Variants in FSTL4 observed in about 807,000 individuals in gnomAD.
FSTL4 encodes the protein follistatin-related protein 4.
FSTL4 carries 28 observed loss-of-function variants against 78.2 expected under a neutral mutation model. That is an observed-to-expected ratio of 0.36 (90% confidence interval 0.27 to 0.49). The LOEUF is 0.49. Ranked by LOEUF, FSTL4 falls within the 20% of genes least tolerant of loss-of-function variation. The pLI, the probability that FSTL4 is intolerant of heterozygous loss-of-function variation, is 0.98. For synonymous variants in FSTL4, 422 were observed against 440.5 expected (o/e 0.96, Z 0.53); for missense variants, 922 against 1,084.9 (o/e 0.85, Z 2.11).
chr5:133,838,994 G>A, the FSTL4 span, among the ~76,000 whole-genome samples: 3 of 152,304 alleles, frequency 2.0e-5, no homozygotes, highest in South Asian at 6.2e-4. Context: ...TAGGAGGTTG[G>A]TCTCAAACAA....
At chr5:133,637,215 C>T in the FSTL4 span, among the ~76,000 whole-genome samples, 3 of 151,990 alleles carry the variant, frequency 2.0e-5, no homozygotes, top group Non-Finnish European at 4.4e-5. Context: ...TCACTTCTCT[C>T]TTCTCTGTCT....
Position 133,199,211 on chromosome 5 carries a change from G to A in FSTL4, c.2413C>T (p.Leu805Phe). 1 of 1,613,354 alleles carries A rather than the reference G, an allele frequency of 6.2e-7. No individual in the cohort carries two copies. The highest frequency in any genetic ancestry group is 8.5e-7 in the Non-Finnish European group (1 of 1,179,406). Reference protein sequence around the residue: ...MRDSGLFGQYLLTPARESLFL... With the variant: ...MRDSGLFGQYFLTPARESLFL... ...AGTGACTCTCGGGCTGGTGTGAGGAGGTACTGTCCAAACAGCCCACTGTCC... is the reference window on the plus strand; with the variant it reads ...AGTGACTCTCGGGCTGGTGTGAGGAAGTACTGTCCAAACAGCCCACTGTCC... Residue 805 changes from leucine (L) to phenylalanine (F), a missense_variant, in exon 16 of 16, where the codon CTC becomes TTC. By Grantham distance (22) the Leu-to-Phe change is conservative. Coordinates refer to ENST00000265342, the MANE Select transcript of FSTL4 (RefSeq NM_015082.2). The surrounding 1 kb of genome is among the most constrained non-coding windows in gnomAD (Gnocchi z 4.4).
At chr5:133,231,702 A>T (rs7708116) in intron 8 of FSTL4, among the ~76,000 whole-genome samples, 1 of 151,782 alleles carries the variant, frequency 6.6e-6, no homozygotes, top group Non-Finnish European at 1.5e-5. Context: ...GCCACCACAC[A>T]TGGCTAATTT....
the FSTL4 span, among the ~76,000 whole-genome samples, chr5:133,629,368 C>T: frequency 4.1e-4 from 63 of 152,248 alleles, no homozygotes; most frequent in East Asian, 0.011. Flanking sequence ...CTATAAACAC[C>T]TCTATGTAAA....
At chr5:133,618,313 A>C in the FSTL4 span, among the ~76,000 whole-genome samples, 1 of 152,226 alleles carries the variant, frequency 6.6e-6, no homozygotes, top group Non-Finnish European at 1.5e-5. Flanking sequence ...AGTGAAAGTG[A>C]AACCTCAAAT....
intron 4 of FSTL4, among the ~76,000 whole-genome samples, chr5:133,321,157 G>C (rs1292711430): frequency 2.0e-5 from 3 of 152,170 alleles, no homozygotes; most frequent in Non-Finnish European, 2.9e-5. Flanking sequence ...GGGGGTATGG[G>C]GGGACCAAGG....
At chr5:133,232,709 T>A (rs1356051512) in intron 8 of FSTL4, among the ~76,000 whole-genome samples, 1 of 152,186 alleles carries the variant, frequency 6.6e-6, no homozygotes. Flanking sequence ...GCAAGTGACC[T>A]TTTTTAGCAA....
chr5:133,427,450 A>C, intron 3 of FSTL4: 1 of 346,816 alleles, frequency 2.9e-6, no homozygotes, highest in Non-Finnish European at 6.1e-6. Flanking sequence ...CCTTCTCCAG[A>C]CCTCCCAAGC....
At chr5:133,430,831 C>T (rs1756919660) in intron 3 of FSTL4, among the ~76,000 whole-genome samples, 1 of 152,122 alleles carries the variant, frequency 6.6e-6, no homozygotes, top group Non-Finnish European at 1.5e-5. Context: ...CAAAACTATA[C>T]AGGGGGGTCA....
chr5:133,674,585 A>ATGTG, the FSTL4 span, among the ~76,000 whole-genome samples: 73 of 150,022 alleles, frequency 4.9e-4, no homozygotes, highest in East Asian at 9.9e-4. Flanking sequence ...AGACTTCCAT[A>ATGTG]TGTGTGTGTG....
intron 4 of FSTL4, among the ~76,000 whole-genome samples, chr5:133,324,708 CG>C (rs1346125572): frequency 1.3e-5 from 2 of 152,220 alleles, no homozygotes; most frequent in African/African-American, 2.4e-5. Context: ...TGTCTGTTAC[CG>C]GTATGACTGT....
chr5:133,491,470 G>A (rs1320585020), intron 3 of FSTL4, among the ~76,000 whole-genome samples: 1 of 151,346 alleles, frequency 6.6e-6, no homozygotes, highest in East Asian at 1.9e-4. Context: ...AACTATCTCG[G>A]CTCACTGCAA....
At chr5:133,820,672 C>T in the FSTL4 span, among the ~76,000 whole-genome samples, 3 of 152,222 alleles carry the variant, frequency 2.0e-5, no homozygotes, top group East Asian at 1.9e-4. Context: ...TCGCCAAACC[C>T]GGAGTCAAGT....
At chr5:133,660,657 C>T in the FSTL4 span, among the ~76,000 whole-genome samples, 9 of 152,198 alleles carry the variant, frequency 5.9e-5, no homozygotes, top group African/African-American at 1.9e-4. Context: ...CCAGCCTGTG[C>T]CACTGGGTGA....
chr5:133,579,537 T>C (rs1371547272), intron 2 of FSTL4, among the ~76,000 whole-genome samples: 1 of 152,094 alleles, frequency 6.6e-6, no homozygotes, highest in Non-Finnish European at 1.5e-5. Context: ...CTTGTAGGTG[T>C]CTGGGGGAGG....
At chr5:133,835,363 T>C in the FSTL4 span, among the ~76,000 whole-genome samples, 1 of 152,150 alleles carries the variant, frequency 6.6e-6, no homozygotes, top group Non-Finnish European at 1.5e-5. Context: ...TGAGCCTCAA[T>C]TTGCTGACTG....
chr5:133,357,292 C>T (rs1209928262), intron 4 of FSTL4, among the ~76,000 whole-genome samples: 2 of 152,172 alleles, frequency 1.3e-5, no homozygotes, highest in East Asian at 1.9e-4. Context: ...AGGAGAACTC[C>T]CCGTTGGCCT....
chr5:133,711,483 A>T, the FSTL4 span, among the ~76,000 whole-genome samples: 1 of 152,214 alleles, frequency 6.6e-6, no homozygotes, highest in Non-Finnish European at 1.5e-5. Context: ...CACCAACCCA[A>T]CAGACTTGCT....
intron 6 of FSTL4, among the ~76,000 whole-genome samples, chr5:133,254,545 T>C (rs1051296790): frequency 6.6e-6 from 1 of 152,208 alleles, no homozygotes; most frequent in Non-Finnish European, 1.5e-5. Context: ...ATTGACACCC[T>C]ATGACCATCA....
Sources: gnomAD v4.1 joint callset for allele counts (sites outside exome capture counted in the v4.1 genomes callset) on GRCh38, gnomAD v4.1.1 for gene constraint, Gnocchi (gnomAD v3.1) non-coding constraint, MANE v1.5 for transcripts, NCBI Gene and HGNC (gene_info 2026-07-23, HGNC 2026-07-21) for gene names.